The following SGF29 variants were observed in gnomAD, a reference collection of about 807,000 sequenced individuals.
The protein encoded by SGF29 is SAGA complex associated factor 29, also known as SAGA-associated factor 29.
Under a neutral mutation model 38.1 loss-of-function variants are expected in SGF29, and 15 were observed. The ratio of observed to expected loss-of-function variants is 0.39; its 90% CI spans 0.26 to 0.61. The LOEUF (loss-of-function observed/expected upper bound fraction) is 0.61, where lower values mean the gene tolerates loss of function less well. SGF29 is among the 20% of genes least tolerant of loss of function. The pLI is 0.49. For synonymous variants in SGF29, 151 were observed against 160.8 expected (o/e 0.94, Z 0.46); for missense variants, 184 against 394.6 (o/e 0.47, Z 4.52).
rs2046980053 is a variant in SGF29, at chr16:28,590,205, G to T, written c.399G>T (p.Trp133Cys). The change falls in exon 6 of 10, where the codon TGG becomes TGT. Residue 133 changes from tryptophan to cysteine, a missense_variant. Physicochemically the swap from Trp to Cys is radical, Grantham distance 215. Coordinates refer to ENST00000317058, the MANE Select transcript of SGF29 (RefSeq NM_138414.3). This position sits in a 1 kb window ranked among gnomAD's most constrained non-coding sequence, Gnocchi z 8.2. The part of the protein sequence containing the change: ...LQQSAMTLPL[W>C]IGKPGDKPPP... ...AGTCGGCCATGACCCTGCCCCTGTG[G>T]ATCGGGAAGCCTGGTGACAAGTGAG... 6.2e-7 allele frequency: 1 copy of T among 1,610,822 alleles called. No homozygotes were observed.
intron 1 of SGF29, among the ~76,000 whole-genome samples, chr16:28,578,168 G>A (rs1014905938): frequency 5.3e-5 from 8 of 151,264 alleles, no homozygotes; most frequent in African/African-American, 1.9e-4. Flanking sequence ...ATTGAGTTTT[G>A]TTTATTGATC....
intron 1 of SGF29, among the ~76,000 whole-genome samples, chr16:28,560,205 C>G (rs1046030440): frequency 5.3e-5 from 8 of 150,978 alleles, no homozygotes; most frequent in African/African-American, 1.9e-4. Flanking sequence ...GCCTGGGCAA[C>G]AGAGCAAGAC....
At chr16:28,566,685 C>T (rs1185829002) in intron 1 of SGF29, among the ~76,000 whole-genome samples, 1 of 149,510 alleles carries the variant, frequency 6.7e-6, no homozygotes, top group Non-Finnish European at 1.5e-5. Flanking sequence ...GGAGGCTGAG[C>T]CTGGAGAGAG....
intron 1 of SGF29, among the ~76,000 whole-genome samples, chr16:28,565,451 G>A (rs1233148063): frequency 6.6e-6 from 1 of 152,182 alleles, no homozygotes. Flanking sequence ...GGAGCTGAGG[G>A]TGGGCTGAGG....
chr16:28,578,851 TGAATCGCTTGAACC>T (rs1216899647), intron 1 of SGF29, among the ~76,000 whole-genome samples: 1 of 151,882 alleles, frequency 6.6e-6, no homozygotes, highest in Non-Finnish European at 1.5e-5. Context: ...CTGAGGCAGG[TGAATCGCTTGAACC>T]CAGGATGCCG....
chr16:28,570,967 T>C (rs1660721801), intron 1 of SGF29, among the ~76,000 whole-genome samples: 2 of 152,106 alleles, frequency 1.3e-5, no homozygotes, highest in African/African-American at 4.8e-5. Flanking sequence ...GCCATTGGGG[T>C]GGACTGAATG....
chr16:28,587,432 C>T (rs965662529), intron 4 of SGF29, among the ~76,000 whole-genome samples: 5 of 152,258 alleles, frequency 3.3e-5, no homozygotes, highest in African/African-American at 1.2e-4. Flanking sequence ...GTGGCTCTTT[C>T]TCCTTCTCTG....
intron 1 of SGF29, among the ~76,000 whole-genome samples, chr16:28,568,410 A>C (rs2151645324): frequency 6.6e-6 from 1 of 151,904 alleles, no homozygotes; most frequent in Non-Finnish European, 1.5e-5. Context: ...TTGTTGAACT[A>C]TAGGATATGA....
At chr16:28,580,983 C>T (rs1456693168) in intron 1 of SGF29, 72 bp from the exon 2 acceptor site, 15 of 1,164,174 alleles carry the variant, frequency 1.3e-5, no homozygotes, top group Non-Finnish European at 1.6e-5. Flanking sequence ...CCTAATGTAT[C>T]TTTTGAGGGG....
rs1004936867 is a variant in SGF29, at chr16:28,555,362, G to C, written c.-16+1265G>C. Among the ~76,000 whole-genome samples the C allele has an allele frequency of 5.3e-5, 8 of 151,964 alleles. No homozygotes were observed. In the South Asian group the frequency reaches 1.2e-3, roughly 24 times the overall value. ...GTGGTGGTGCACGCCTGTAATCCCA[G>C]CTACTTGGGAGGCTGAGGCACAATA... On this transcript the variant is annotated intron_variant, in intron 1 of 9. Coordinates refer to ENST00000317058, the MANE Select transcript of SGF29 (RefSeq NM_138414.3).
At chr16:28,563,977 C>A (rs2046805246) in intron 1 of SGF29, among the ~76,000 whole-genome samples, 1 of 152,102 alleles carries the variant, frequency 6.6e-6, no homozygotes, top group Non-Finnish European at 1.5e-5. Flanking sequence ...GAACTCCTGA[C>A]CTCAGGTGAT....
intron 2 of SGF29, among the ~76,000 whole-genome samples, 160 bp from the exon 3 acceptor site, chr16:28,584,753 C>T (rs1286223015): frequency 1.4e-5 from 2 of 146,232 alleles, no homozygotes; most frequent in Non-Finnish European, 3.0e-5. Context: ...CGTGCCACTA[C>T]ACTCCAGCCT....
rs1192775558 is a variant in SGF29, at chr16:28,589,248, G to C, written c.289+84G>C. The C allele has an allele frequency of 1.2e-5, 17 of 1,435,394 alleles. 1 individual carries two copies. The Admixed American group carries it at 2.2e-4, about 19-fold the overall frequency. 88.9% of individuals were successfully genotyped at this position (1,435,394 alleles called of 1,614,324 possible). A position where few individuals can be genotyped will look rare whatever the true frequency, so the allele number is the denominator to read the frequency against. ...GGGCAGCAGTCACCCTCCTGTGGGG[G>C]CCTGTGGCCACCACCTGCTGGCATC... On this transcript the variant is annotated intron_variant, in intron 5 of 9. Transcript: ENST00000317058.
At chr16:28,584,564 C>T (rs1427771321) in intron 2 of SGF29, among the ~76,000 whole-genome samples, 1 of 151,572 alleles carries the variant, frequency 6.6e-6, no homozygotes, top group Non-Finnish European at 1.5e-5. Context: ...CCGAGGCAGG[C>T]GGATCACGAG....
In SGF29 at chr16:28,576,171, A is replaced by C. The variant is rs566288326; in HGVS notation, c.-15-4884A>C. On this transcript the variant is annotated intron_variant, in intron 1 of 9. Coordinates refer to ENST00000317058, the MANE Select transcript of SGF29 (RefSeq NM_138414.3). ...ACATAGTGTAAATACGTTAAAAAAA[A>C]CACATTATTAATTCTCATAGATATG... Among the ~76,000 whole-genome samples the C allele has an allele frequency of 3.0e-4, 45 of 152,078 alleles. 1 individual carries two copies. In the East Asian group the frequency reaches 4.2e-3, roughly 14 times the overall value.
chr16:28,554,446 C>T (rs1000045131), intron 1 of SGF29, among the ~76,000 whole-genome samples: 1 of 152,148 alleles, frequency 6.6e-6, no homozygotes, highest in Non-Finnish European at 1.5e-5. Flanking sequence ...AGAGGATGGG[C>T]CCCGAACTCC....
intron 1 of SGF29, among the ~76,000 whole-genome samples, chr16:28,564,762 T>TACAC (rs1567286189): frequency 6.0e-5 from 4 of 66,620 alleles, no homozygotes; most frequent in Admixed American, 2.0e-4. Flanking sequence ...TATGTATATA[T>TACAC]GTATATATAT....
chr16:28,580,624 T>A (rs994766882), intron 1 of SGF29, among the ~76,000 whole-genome samples: 1 of 152,186 alleles, frequency 6.6e-6, no homozygotes, highest in Non-Finnish European at 1.5e-5. Context: ...CCAAAGACCC[T>A]AATTCCAAAC....
At chr16:28,585,070 T>A in intron 3 of SGF29, 82 bp downstream of exon 3, 1 of 1,082,300 alleles carries the variant, frequency 9.2e-7, no homozygotes, top group Non-Finnish European at 1.4e-6. Context: ...AGGTGGTCAT[T>A]GTATTCAAAA....
Sources: gnomAD v4.1 joint callset for allele counts (sites outside exome capture counted in the v4.1 genomes callset) on GRCh38, gnomAD v4.1.1 for gene constraint, Gnocchi (gnomAD v3.1) non-coding constraint, MANE v1.5 for transcripts, NCBI Gene and HGNC (gene_info 2026-07-23, HGNC 2026-07-21) for gene names.